ALDH2: variants seen among roughly 807,000 people sequenced by gnomAD.
ALDH2 encodes the protein aldehyde dehydrogenase 2 family member, also known as aldehyde dehydrogenase, mitochondrial.
Under a neutral mutation model 59.6 loss-of-function variants are expected in ALDH2, and 44 were observed. That is an observed-to-expected ratio of 0.74 (90% CI 0.58 to 0.95). The LOEUF (loss-of-function observed/expected upper bound fraction) is 0.95. Ranked by LOEUF, ALDH2 falls within the 40% of genes least tolerant of loss-of-function variation. The pLI, the probability that ALDH2 is intolerant of heterozygous loss-of-function variation, is 0.00. For synonymous variants in ALDH2, 291 were observed against 284.0 expected (o/e 1.02, Z -0.25); for missense variants, 570 against 696.3 (o/e 0.82, Z 2.04).
intron 4 of ALDH2, among the ~76,000 whole-genome samples, chr12:111,788,972 TC>T (rs2068333320): frequency 2.0e-5 from 3 of 151,530 alleles, no homozygotes; most frequent in South Asian, 2.1e-4. Flanking sequence ...GCCACTGTAC[TC>T]CAGCCTGGGC....
Position 111,804,404 on chromosome 12 carries a change from C to T in ALDH2, c.1521+431C>T, listed in dbSNP as rs941935280. Among the ~76,000 whole-genome samples, 9 of 152,140 alleles carry T rather than the reference C, an allele frequency of 5.9e-5. No individual in the cohort carries two copies. In the South Asian group the frequency reaches 6.2e-4, roughly 10 times the overall value. ...GAGGGAGAGACTTCAGGGGGCGGAG[C>T]GGAGAGGAAAAGCTTCTAGTAAGAA... On this transcript the variant is annotated intron_variant, in intron 12 of 12. Coordinates refer to ENST00000261733, the MANE Select transcript of ALDH2 (RefSeq NM_000690.4).
At chr12:111,802,749 G>A (rs1283621273) in intron 11 of ALDH2, among the ~76,000 whole-genome samples, 7 of 149,416 alleles carry the variant, frequency 4.7e-5, no homozygotes, top group Non-Finnish European at 7.4e-5. Flanking sequence ...GTGTGGTGGC[G>A]GGCACCTGTA....
intron 9 of ALDH2, among the ~76,000 whole-genome samples, chr12:111,797,797 A>G (rs2068417227): frequency 6.6e-6 from 1 of 152,204 alleles, no homozygotes; most frequent in Admixed American, 6.5e-5. Context: ...CAGTATATGT[A>G]ACGGTCTCTT....
At chr12:111,804,905 A>G (rs1013044563) in intron 12 of ALDH2, among the ~76,000 whole-genome samples, 1 of 152,216 alleles carries the variant, frequency 6.6e-6, no homozygotes. Context: ...TTTGATTTGC[A>G]ACTTCAATGA....
intron 9 of ALDH2, 152 bp from the exon 10 acceptor site, chr12:111,797,926 C>T: frequency 1.2e-6 from 1 of 821,498 alleles, no homozygotes; most frequent in Non-Finnish European, 1.9e-6. Flanking sequence ...GTGTTTTCTG[C>T]TATTGGCCCT....
rs3832868 is a variant in ALDH2 at position 111,785,062 on chromosome 12, GC to G, written c.361-203del. On this transcript the variant is annotated intron_variant, in intron 3 of 12. Transcript: ENST00000261733. ...GAGTGAGAAATTGGTGGCTCATCCT[GC>G]CTGGCCCCCTTCCTCCTCCTCCCTG... Among the ~76,000 whole-genome samples, 7,841 of 152,194 alleles carry G rather than the reference GC, an allele frequency of 0.052. 1,220 individuals are homozygous for G. In the East Asian group the frequency reaches 0.62, roughly 12 times the overall value.
At position 111,814,707 on chromosome 12, in the gene ALDH2, T is replaced by A. The variant is rs1210718439; in HGVS notation, c.*5132T>A. On this transcript the variant is annotated 3_prime_UTR_variant, in exon 13 of 13. Coordinates refer to ENST00000261733, the MANE Select transcript of ALDH2 (RefSeq NM_000690.4). ...TAAAAATACAAAAAATTGGCTGGGC[T>A]TGGTAGCATGTGCCCAGCTACTTGG... 1.3e-5 allele frequency: 2 copies of A among 151,388 alleles called. No homozygotes were observed. The highest frequency in any genetic ancestry group is 2.9e-5 in the Non-Finnish European group (2 of 67,852). 9.4% of individuals were successfully genotyped at this position (151,388 alleles called of 1,614,324 possible).
intron 12 of ALDH2, among the ~76,000 whole-genome samples, chr12:111,807,958 C>A (rs1206622955): frequency 6.6e-6 from 1 of 151,468 alleles, no homozygotes; most frequent in African/African-American, 2.4e-5. Context: ...CTCACTGCAA[C>A]CTCCGCCTCC....
rs112605264 is a variant in ALDH2 at position 111,811,336 on chromosome 12, A to C, written c.*1761A>C. 10,770 of 152,130 alleles carry C rather than the reference A, an allele frequency of 0.071. 1,480 individuals carry two copies. The highest frequency in any genetic ancestry group is 0.61 in the East Asian group (3,133 of 5,126). The allele number at this position is 152,130 out of a possible 1,614,324, so 9.4% of individuals were successfully genotyped here. A position where few individuals can be genotyped will look rare whatever the true frequency, so the allele number is the denominator to read the frequency against. On this transcript the variant is annotated 3_prime_UTR_variant, in exon 13 of 13. Transcript: ENST00000261733. ...TGTACTCCAGCCTGGGCAACAAGAG[A>C]GAAACTCCGTCTCAAAATATAAATA...
chr12:111,791,387 G>A lies in ALDH2; in HGVS notation c.763G>A (p.Val255Met), dbSNP rs544714733. Residue 255 changes from valine to methionine, a missense_variant, in exon 7 of 13, where the codon GTG becomes ATG. Val to Met is a conservative substitution (Grantham distance 21). Transcript: ENST00000261733. ...GGCCGCCATTGCCTCCCATGAGGAT[G>A]TGGACAAAGTGGCATTCACAGGCTC... ...AGAAIASHED[V>M]DKVAFTGSTE... The A allele has an allele frequency of 6.8e-6, 11 of 1,614,058 alleles. No homozygotes were observed. Among genetic ancestry groups the A allele is most frequent in the South Asian group, 1.1e-5 (1 of 91,036 alleles).
chr12:111,771,288 T>C (rs2068197867), intron 1 of ALDH2, among the ~76,000 whole-genome samples: 1 of 152,100 alleles, frequency 6.6e-6, no homozygotes. Flanking sequence ...TCACAGCTAC[T>C]TGGGCGGCTG....
chr12:111,772,695 A>G (rs1055506340), intron 1 of ALDH2, among the ~76,000 whole-genome samples: 3 of 121,692 alleles, frequency 2.5e-5, no homozygotes, highest in Non-Finnish European at 3.3e-5. Context: ...TTTTTTTGAG[A>G]CAGGGTCTTG....
chr12:111,798,356 G>T (rs1381168943), intron 10 of ALDH2, 114 bp downstream of exon 10: 1 of 1,166,764 alleles, frequency 8.6e-7, no homozygotes, highest in African/African-American at 1.6e-5. Flanking sequence ...CAGATCTCAA[G>T]TTATACCCAG....
intron 6 of ALDH2, 106 bp from the exon 7 acceptor site, chr12:111,791,200 C>A: frequency 1.2e-6 from 1 of 808,122 alleles, no homozygotes; most frequent in Non-Finnish European, 2.1e-6. Flanking sequence ...CACATGTGTC[C>A]TTGGCAGACT....
intron 1 of ALDH2, among the ~76,000 whole-genome samples, chr12:111,769,179 T>C (rs2136005277): frequency 6.6e-6 from 1 of 152,354 alleles, no homozygotes; most frequent in South Asian, 2.1e-4. Context: ...TCCCTGTGGC[T>C]GCTTTTCTTT....
At chr12:111,786,501 G>A (rs1052924301) in intron 4 of ALDH2, among the ~76,000 whole-genome samples, 27 of 151,520 alleles carry the variant, frequency 1.8e-4, no homozygotes, top group African/African-American at 6.3e-4. Context: ...TTCCCAAAGT[G>A]CTGAGATTAG....
Position 111,810,481 on chromosome 12 carries a change from T to C in ALDH2, c.*906T>C, listed in dbSNP as rs762060681. On this transcript the variant is annotated 3_prime_UTR_variant, in exon 13 of 13. Coordinates refer to ENST00000261733, the MANE Select transcript of ALDH2 (RefSeq NM_000690.4). Reference sequence around the variant, plus strand: ...GTGCTTGAATGTTTCATGCATTTAATTTGTTTCATGCATTTAACTTCTGGC... The same window carrying C: ...GTGCTTGAATGTTTCATGCATTTAACTTGTTTCATGCATTTAACTTCTGGC... 1 of 152,218 alleles carries C rather than the reference T, an allele frequency of 6.6e-6. No homozygotes were observed. The highest frequency in any genetic ancestry group is 1.5e-5 in the Non-Finnish European group (1 of 68,052). The allele number at this position is 152,218 out of a possible 1,614,324, so 9.4% of individuals were successfully genotyped here. A position where few individuals can be genotyped will look rare whatever the true frequency, so the allele number is the denominator to read the frequency against.
Position 111,816,388 on chromosome 12 carries a change from T to G in ALDH2, c.*6813T>G, listed in dbSNP as rs1318559820. ...TCACAGCAGGCTCACAAGATTGCAT[T>G]CTTTGAACAGTAGGCTCTAGATGTC... On this transcript the variant is annotated 3_prime_UTR_variant, in exon 13 of 13. Coordinates refer to ENST00000261733, the MANE Select transcript of ALDH2 (RefSeq NM_000690.4). The G allele has an allele frequency of 6.6e-6, 1 of 152,200 alleles. No individual in the cohort carries two copies. Among genetic ancestry groups the G allele is most frequent in the Non-Finnish European group, 1.5e-5 (1 of 68,058 alleles). 9.4% of individuals were successfully genotyped at this position (152,200 alleles called of 1,614,324 possible). A position where few individuals can be genotyped will look rare whatever the true frequency, so the allele number is the denominator to read the frequency against.
chr12:111,798,654 C>G (rs2068424184), intron 10 of ALDH2, among the ~76,000 whole-genome samples: 1 of 152,090 alleles, frequency 6.6e-6, no homozygotes, highest in Non-Finnish European at 1.5e-5. Flanking sequence ...CCCACCTCAG[C>G]CTTCTGAGTA....
Sources: gnomAD v4.1 joint callset for allele counts (sites outside exome capture counted in the v4.1 genomes callset) on GRCh38, gnomAD v4.1.1 for gene constraint, MANE v1.5 for transcripts, NCBI Gene and HGNC (gene_info 2026-07-23, HGNC 2026-07-21) for gene names.